Variants in EXOC3L1 observed in about 807,000 individuals in gnomAD.
EXOC3L1 encodes the protein exocyst complex component 3 like 1.
Under a neutral mutation model 83.6 loss-of-function variants are expected in EXOC3L1, and 79 were observed. The ratio of observed to expected loss-of-function variants is 0.95; its 90% CI spans 0.79 to 1.14. The LOEUF (loss-of-function observed/expected upper bound fraction) is 1.14, where lower values mean the gene tolerates loss of function less well. Ranked by LOEUF, EXOC3L1 falls within the 50% of genes most tolerant of loss-of-function variation. The pLI is 0.00. For missense variants in EXOC3L1, 945 were observed against 972.0 expected (o/e 0.97, Z 0.37); for synonymous variants, 433 against 451.2 (o/e 0.96, Z 0.51).
At position 67,185,058 on chromosome 16, in the gene EXOC3L1, C is replaced by T. The variant is rs2032652489; in HGVS notation, c.1750-1G>A. On this transcript the variant is annotated splice_acceptor_variant, in intron 11 of 13. Transcript: ENST00000314586. LOFTEE classifies it high-confidence loss of function. ...CACGCTCGGCCTCAGCCAGCAGCAG[C>T]TGCGGGGAGGCAATCAGGCGGGTGC... 1 of 1,609,960 alleles carries T rather than the reference C, an allele frequency of 6.2e-7. No homozygotes were observed. Among genetic ancestry groups the T allele is most frequent in the Non-Finnish European group, 8.5e-7 (1 of 1,178,088 alleles).
intron 1 of EXOC3L1, 80 bp downstream of exon 1, chr16:67,189,891 G>A: frequency 3.3e-6 from 2 of 597,896 alleles, no homozygotes; most frequent in South Asian, 2.0e-5. Context: ...CAGATGTCAA[G>A]CGAGACAGAG....
chr16:67,186,863 G>T lies in EXOC3L1; in HGVS notation c.1180C>A (p.Gln394Lys). ...GCTACCTCCCCATCCAGTGCATTCT[G>T]CAGCCACTGAGACACACTTGCCTGG... ...NIQASVSQWLQNALDGEVAEW... is the reference protein window; with the variant it reads ...NIQASVSQWLKNALDGEVAEW... The change falls in exon 7 of 14, where the codon CAG becomes AAG. Residue 394 changes from glutamine (Q) to lysine (K), a missense_variant. Coordinates refer to ENST00000314586, the MANE Select transcript of EXOC3L1 (RefSeq NM_178516.4). The T allele has an allele frequency of 6.2e-7, 1 of 1,613,552 alleles. No homozygotes were observed. Among genetic ancestry groups the T allele is most frequent in the Non-Finnish European group, 8.5e-7 (1 of 1,179,992 alleles).
Position 67,185,410 on chromosome 16 carries a change from T to C in EXOC3L1, c.1577A>G (p.Gln526Arg). ...CAACACCAAGCGGTAGATCCTCCTC[T>C]GCAACTCGTCCAGCGCAGCTTCCAC... Reference protein sequence around the residue: ...APVEAALDELQRRIYRLVLEA... With the variant: ...APVEAALDELRRRIYRLVLEA... Residue 526 changes from glutamine to arginine, a missense_variant, in exon 10 of 14, where the codon CAG (glutamine) becomes CGG (arginine). Gln to Arg is a conservative substitution (Grantham distance 43). Coordinates refer to ENST00000314586, the MANE Select transcript of EXOC3L1 (RefSeq NM_178516.4). 1.2e-6 allele frequency: 2 copies of C among 1,612,434 alleles called. No homozygotes were observed. The highest frequency in any genetic ancestry group is 1.7e-6 in the Non-Finnish European group (2 of 1,180,004).
In EXOC3L1 at chr16:67,189,231, G is replaced by A. The variant is rs777311097; in HGVS notation, c.47-51C>T. On this transcript the variant is annotated intron_variant, in intron 2 of 13. Transcript: ENST00000314586. ...GTGTAGTCAGGGAGGAGGGCCCAACGACCCCAGTCCCAGCTTTCTTATTTA... is the reference window on the plus strand; with the variant it reads ...GTGTAGTCAGGGAGGAGGGCCCAACAACCCCAGTCCCAGCTTTCTTATTTA... The A allele has an allele frequency of 3.0e-5, 44 of 1,487,408 alleles. No homozygotes were observed. The African/African-American group carries it at 3.5e-4, about 12-fold the overall frequency. 92.1% of individuals were successfully genotyped at this position (1,487,408 alleles called of 1,614,324 possible).
intron 4 of EXOC3L1, 145 bp from the exon 5 acceptor site, chr16:67,187,982 G>A (rs2032777594): frequency 2.6e-6 from 3 of 1,162,972 alleles, no homozygotes; most frequent in Admixed American, 6.0e-5. Flanking sequence ...AGTGGCTCAT[G>A]CCTGTAATCC....
At chr16:67,185,084 A>C in intron 11 of EXOC3L1, 27 bp from the exon 12 acceptor site, 1 of 1,611,930 alleles carries the variant, frequency 6.2e-7, no homozygotes. Context: ...AGGCGGGTGC[A>C]GGTCGCCTCT....
intron 13 of EXOC3L1, 38 bp downstream of exon 13, chr16:67,184,648 C>G (rs766094827): frequency 1.9e-6 from 3 of 1,581,170 alleles, no homozygotes; most frequent in Non-Finnish European, 2.6e-6. Flanking sequence ...TCCTCCCCGC[C>G]CTCCGGCTTC....
intron 12 of EXOC3L1, 45 bp from the exon 13 acceptor site, chr16:67,184,855 C>A: frequency 6.2e-7 from 1 of 1,609,292 alleles, no homozygotes; most frequent in Non-Finnish European, 8.5e-7. Flanking sequence ...TCTCTCCCAC[C>A]CAGCCACTGA....
rs772506049 is a variant in EXOC3L1, at chr16:67,186,924, T to C, written c.1159-40A>G. ...CAGGGGCAAAGGAATGTAGCAGGGA[T>C]CTGACCCTGCTGGAGATGGGTAGAC... is the stretch of plus-strand genomic sequence containing the variant. On this transcript the variant is annotated intron_variant, in intron 6 of 13. Coordinates refer to ENST00000314586, the MANE Select transcript of EXOC3L1 (RefSeq NM_178516.4). 2.5e-6 allele frequency: 4 copies of C among 1,612,872 alleles called. No homozygotes were observed. In the South Asian group the frequency reaches 4.4e-5, roughly 18 times the overall value.
At position 67,187,564 on chromosome 16, in the gene EXOC3L1, G is replaced by T. The variant is rs940787237; in HGVS notation, c.701C>A (p.Thr234Lys). 3 of 1,603,962 alleles carry T rather than the reference G, an allele frequency of 1.9e-6. No individual in the cohort carries two copies. The highest frequency in any genetic ancestry group is 2.2e-5 in the East Asian group (1 of 44,840). ...VRVAEVETGR[T>K]TPLGQVPRDW... is the part of the protein sequence containing the mutation. ...CCGGGGGACCTGGCCCAGGGGGGTT[G>T]TTCGTCCAGTCTCCACCTCCGCCAC... Residue 234 changes from threonine to lysine, a missense_variant, in exon 5 of 14, where the codon ACA (threonine) becomes AAA (lysine). Physicochemically the swap from Thr to Lys is moderately conservative, Grantham distance 78. Transcript: ENST00000314586.
intron 2 of EXOC3L1, 163 bp from the exon 3 acceptor site, chr16:67,189,343 C>T (rs1042372071): frequency 1.4e-5 from 12 of 872,272 alleles, no homozygotes; most frequent in Middle Eastern, 3.5e-4. Context: ...GTGGTGCAAT[C>T]TCGGGTCCCT....
In EXOC3L1 at chr16:67,187,373, AGCAAGGC is replaced by A; in HGVS notation, c.885_891del (p.Pro296AlafsTer32). On this transcript the variant is annotated frameshift_variant, in exon 5 of 14. Coordinates refer to ENST00000314586, the MANE Select transcript of EXOC3L1 (RefSeq NM_178516.4). LOFTEE classifies it high-confidence loss of function. ...TGGACCACGTTGTACTGTGGCGGGC[AGCAAGGC>A]GCTACTAGTGCCTCAGCTGTGGCCA... 2 of 1,612,784 alleles carry A rather than the reference AGCAAGGC, an allele frequency of 1.2e-6. No homozygotes were observed. The highest frequency in any genetic ancestry group is 1.7e-6 in the Non-Finnish European group (2 of 1,179,982).
Position 67,185,269 on chromosome 16 carries a change from G to T in EXOC3L1, c.1627-11C>A, listed in dbSNP as rs1039730268. The T allele has an allele frequency of 1.9e-6, 3 of 1,613,498 alleles. No homozygotes were observed. The East Asian group carries it at 6.7e-5, about 36-fold the overall frequency. ...ATCCGCGAACAGGGGCTGGGGAAAT[G>T]ATCCAGATCTGGCATTGCCGCGGAG... On this transcript the variant is annotated splice_polypyrimidine_tract_variant and intron_variant, in intron 10 of 13. Coordinates refer to ENST00000314586, the MANE Select transcript of EXOC3L1 (RefSeq NM_178516.4).
chr16:67,188,109 T>G (rs951981661), intron 4 of EXOC3L1, among the ~76,000 whole-genome samples: 3 of 152,096 alleles, frequency 2.0e-5, no homozygotes, highest in African/African-American at 7.2e-5. Context: ...CCAGGCATGG[T>G]GGCACATGCC....
chr16:67,185,579 G>C (rs574188710), intron 9 of EXOC3L1, 89 bp from the exon 10 acceptor site: 356 of 1,246,766 alleles, frequency 2.9e-4, no homozygotes, highest in Non-Finnish European at 3.8e-4. Context: ...ACCTTGTGGG[G>C]CAAGTGTTTG....
chr16:67,186,949 C>T, intron 6 of EXOC3L1, 65 bp from the exon 7 acceptor site: 2 of 1,612,476 alleles, frequency 1.2e-6, no homozygotes, highest in Non-Finnish European at 1.7e-6. Flanking sequence ...GATGGGTAGA[C>T]ATTCCACTCT....
At chr16:67,188,612 G>A (rs1336681598) in intron 4 of EXOC3L1, 109 bp downstream of exon 4, 1 of 1,053,104 alleles carries the variant, frequency 9.5e-7, no homozygotes, top group African/African-American at 1.6e-5. Context: ...GAGGTCCCTG[G>A]TGTGCTGCTC....
At position 67,187,281 on chromosome 16, in the gene EXOC3L1, C is replaced by T. The variant is rs751112691; in HGVS notation, c.984G>A (p.Glu328=). The T allele has an allele frequency of 1.5e-5, 24 of 1,613,008 alleles. No individual in the cohort carries two copies. The South Asian group carries it at 2.5e-4, about 17-fold the overall frequency. The change falls in exon 5 of 14, where the codon GAG becomes GAA. Residue 328 remains glutamate (E), a synonymous_variant. Transcript: ENST00000314586. The stretch of plus-strand genomic sequence containing the variant: ...AGGCGAAGGCATCCGCAGCTTCTAG[C>T]TCAGGCCCTGCAAGGAGGTTCTGCA... The part of the protein sequence containing the change: ...RSLQNLLAGP[E]LEAADAFALL...
intron 9 of EXOC3L1, 107 bp downstream of exon 9, chr16:67,186,130 G>A (rs1329378011): frequency 4.0e-6 from 3 of 757,654 alleles, no homozygotes; most frequent in Non-Finnish European, 4.6e-6. Flanking sequence ...ACCCCAGGGC[G>A]ATGTGAGTCC....
Sources: allele counts gnomAD v4.1 joint callset (sites outside exome capture counted in the v4.1 genomes callset), GRCh38; gene constraint gnomAD v4.1.1; transcripts MANE v1.5; gene names NCBI Gene and HGNC (gene_info 2026-07-23, HGNC 2026-07-21).